Variants in CENPT observed in about 807,000 individuals in gnomAD.
The protein encoded by CENPT is centromere protein T.
In CENPT, 42 loss-of-function variants were observed where a neutral mutation model predicts 59.7. The ratio of observed to expected loss-of-function variants is 0.70; its 90% CI spans 0.55 to 0.91. CENPT has a LOEUF of 0.91. Among genes scored for constraint, CENPT ranks in the 40% least tolerant of loss-of-function variants. The probability of loss-of-function intolerance (pLI) is 0.00; values close to 1 mark genes in which losing one functional copy is unlikely to be tolerated. For synonymous variants in CENPT, 295 were observed against 289.6 expected (o/e 1.02, Z -0.19); for missense variants, 716 against 713.4 (o/e 1.00, Z -0.04).
rs752230675 is a variant in CENPT, at chr16:67,842,908, G to GCAA, written c.-492+4492_-492+4493insTTG. ...AGCAGCAGCAACAGCAGCAACAGCA[G>GCAA]CAGCAGCAGCAACAGCAGCAGCAGC... is the stretch of plus-strand genomic sequence containing the variant. On this transcript the variant is annotated intron_variant, in intron 1 of 15. Coordinates refer to ENST00000562787, the MANE Select transcript of CENPT (RefSeq NM_025082.4). This position sits in a 1 kb window ranked among gnomAD's most constrained non-coding sequence, Gnocchi z 4.9. The GCAA allele has an allele frequency of 5.7e-5, 90 of 1,572,508 alleles. No homozygotes were observed. Among genetic ancestry groups the GCAA allele is most frequent in the South Asian group, 4.6e-4 (40 of 87,660 alleles).
intron 13 of CENPT, chr16:67,829,174 G>A (rs1034317559): frequency 7.8e-6 from 4 of 510,490 alleles, no homozygotes; most frequent in African/African-American, 6.0e-5. Context: ...TCTGCTAATC[G>A]TCTTCCAGGA....
intron 3 of CENPT, among the ~76,000 whole-genome samples, chr16:67,834,592 CAG>C (rs1567371189): frequency 6.6e-6 from 1 of 152,176 alleles, no homozygotes; most frequent in Non-Finnish European, 1.5e-5. Context: ...GCCTGGGCAA[CAG>C]AGAGAGACCC....
chr16:67,833,288 G>C (rs2057710833), intron 4 of CENPT, among the ~76,000 whole-genome samples: 1 of 152,260 alleles, frequency 6.6e-6, no homozygotes, highest in Non-Finnish European at 1.5e-5. Context: ...AGGACAGTAA[G>C]ACAATGAGCA....
At chr16:67,831,644 AG>A in intron 8 of CENPT, 32 bp from the exon 9 acceptor site, 2 of 1,613,780 alleles carry the variant, frequency 1.2e-6, no homozygotes, top group Non-Finnish European at 1.7e-6. Context: ...ATGTAAAAGA[AG>A]AAAACCATGG....
At chr16:67,833,472 C>T (rs1250226473) in intron 4 of CENPT, among the ~76,000 whole-genome samples, 1 of 152,232 alleles carries the variant, frequency 6.6e-6, no homozygotes, top group African/African-American at 2.4e-5. Flanking sequence ...GCTCTGTGGT[C>T]CCGAGGGCTG....
intron 3 of CENPT, 24 bp from the exon 4 acceptor site, chr16:67,834,124 C>A (rs534752833): frequency 1.4e-4 from 56 of 399,918 alleles, no homozygotes; most frequent in Non-Finnish European, 2.5e-4. Flanking sequence ...TTGATACCCA[C>A]CTGATAAGGA....
chr16:67,844,601 G>A (rs936089557), intron 1 of CENPT, among the ~76,000 whole-genome samples: 1 of 152,228 alleles, frequency 6.6e-6, no homozygotes, highest in Non-Finnish European at 1.5e-5. Flanking sequence ...TGTGCATGCA[G>A]TTACTCTGTG....
chr16:67,840,186 C>T (rs918427778), intron 1 of CENPT, among the ~76,000 whole-genome samples: 1 of 152,064 alleles, frequency 6.6e-6, no homozygotes, highest in Non-Finnish European at 1.5e-5. Flanking sequence ...GGCACGGTGG[C>T]GGGCGCTTGT....
At position 67,828,465 on chromosome 16, in the gene CENPT, C is replaced by T. The variant is rs1168211280; in HGVS notation, c.1562+9G>A. ...CCAGCCAGCACCCCCACACCTTCCGCCTTCTCACCGCCGCATCAGCAGCTC... is the reference window on the plus strand; with the variant it reads ...CCAGCCAGCACCCCCACACCTTCCGTCTTCTCACCGCCGCATCAGCAGCTC... On this transcript the variant is annotated intron_variant, in intron 15 of 15. Transcript: ENST00000562787. 1 of 1,614,114 alleles carries T rather than the reference C, an allele frequency of 6.2e-7. No homozygotes were observed. The highest frequency in any genetic ancestry group is 2.2e-5 in the East Asian group (1 of 44,902).
chr16:67,843,788 G>C lies in CENPT; in HGVS notation c.-492+3613C>G, dbSNP rs1598151454. Reference sequence around the variant, plus strand: ...CAGAGGCTTCAGAACCACTGAACTTGAAACTTACCCTCTAGGGATGCAGGT... The same window carrying C: ...CAGAGGCTTCAGAACCACTGAACTTCAAACTTACCCTCTAGGGATGCAGGT... On this transcript the variant is annotated intron_variant, in intron 1 of 15. Coordinates refer to ENST00000562787, the MANE Select transcript of CENPT (RefSeq NM_025082.4). This position sits in a 1 kb window ranked among gnomAD's most constrained non-coding sequence, Gnocchi z 5.7. The C allele has an allele frequency of 7.5e-6, 3 of 398,422 alleles. No individual in the cohort carries two copies. The East Asian group carries it at 1.4e-4, about 18-fold the overall frequency. The allele number at this position is 398,422 out of a possible 1,614,324, so 24.7% of individuals were successfully genotyped here.
chr16:67,840,181 G>A (rs973869185), intron 1 of CENPT, among the ~76,000 whole-genome samples: 14 of 152,106 alleles, frequency 9.2e-5, no homozygotes, highest in Admixed American at 2.6e-4. Context: ...AGCCGGGCAC[G>A]GTGGCGGGCG....
In CENPT at chr16:67,830,084, A is replaced by G. The variant is rs1308247027; in HGVS notation, c.867T>C (p.Pro289=). ...CTGCCAGAAACTGGGCTGGTTTCCC[A>G]GGGCCTGAGTGAAGGGGAGAGAATA... ...SSGPGLQKNS[P]GKPAQFLAGE... is the part of the protein sequence containing the mutation. The change falls in exon 12 of 16, where the codon CCT becomes CCC. Residue 289 remains proline (P), a synonymous_variant. Transcript: ENST00000562787. The G allele has an allele frequency of 3.7e-6, 6 of 1,613,914 alleles. No homozygotes were observed. Among genetic ancestry groups the G allele is most frequent in the African/African-American group, 2.7e-5 (2 of 74,934 alleles).
chr16:67,847,602 C>T lies in CENPT; in HGVS notation c.-693G>A, dbSNP rs2057815650. The T allele has an allele frequency of 6.6e-6, 1 of 152,442 alleles. No homozygotes were observed. The highest frequency in any genetic ancestry group is 2.4e-5 in the African/African-American group (1 of 41,466). 9.4% of individuals were successfully genotyped at this position (152,442 alleles called of 1,614,324 possible). A position where few individuals can be genotyped will look rare whatever the true frequency, so the allele number is the denominator to read the frequency against. On this transcript the variant is annotated 5_prime_UTR_variant, in exon 1 of 16. Transcript: ENST00000562787. ...TACCGCGCCCTTTGTGGAGCCCGGACTGGAGTTCTCGCAGGGAGGGCAGGG... is the reference window on the plus strand; with the variant it reads ...TACCGCGCCCTTTGTGGAGCCCGGATTGGAGTTCTCGCAGGGAGGGCAGGG...
In CENPT at chr16:67,842,902, ACAGCAGCAGCAGCAGCAACAG is replaced by A. The variant is rs766753650; in HGVS notation, c.-492+4478_-492+4498del. On this transcript the variant is annotated intron_variant, in intron 1 of 15. Coordinates refer to ENST00000562787, the MANE Select transcript of CENPT (RefSeq NM_025082.4). The surrounding 1 kb of genome is among the most constrained non-coding windows in gnomAD (Gnocchi z 4.9). The stretch of plus-strand genomic sequence containing the variant: ...AGCAGCAGCAGCAGCAACAGCAGCA[ACAGCAGCAGCAGCAGCAACAG>A]CAGCAGCAGCAGCAGCAGCAGCAGC... The A allele has an allele frequency of 1.3e-3, 2,121 of 1,583,058 alleles. 7 individuals are homozygous for A. The African/African-American group carries it at 0.019, about 14-fold the overall frequency.
chr16:67,847,260 C>T (rs1297303066), intron 1 of CENPT, 141 bp downstream of exon 1: 1 of 152,320 alleles, frequency 6.6e-6, no homozygotes, highest in East Asian at 1.9e-4. Flanking sequence ...TGCGCCATGG[C>T]CAGGCCTTTT....
At chr16:67,830,355 A>C in intron 11 of CENPT, 35 bp downstream of exon 11, 1 of 1,582,830 alleles carries the variant, frequency 6.3e-7, no homozygotes, top group Non-Finnish European at 8.6e-7. Flanking sequence ...ACCCAAGCTA[A>C]ATTTGGCTCC....
intron 1 of CENPT, among the ~76,000 whole-genome samples, chr16:67,837,955 C>G (rs1278225410): frequency 6.6e-6 from 1 of 152,078 alleles, no homozygotes; most frequent in Non-Finnish European, 1.5e-5. Context: ...TATGACATAT[C>G]AGATTTTCTC....
At chr16:67,830,192 G>A in intron 11 of CENPT, 104 bp from the exon 12 acceptor site, 3 of 1,303,152 alleles carry the variant, frequency 2.3e-6, no homozygotes, top group Non-Finnish European at 3.3e-6. Context: ...TGCCCACTGA[G>A]GAAAGACAAA....
At chr16:67,836,851 C>T (rs573219146) in intron 1 of CENPT, among the ~76,000 whole-genome samples, 1 of 152,204 alleles carries the variant, frequency 6.6e-6, no homozygotes, top group Admixed American at 6.5e-5. Context: ...ACGCCATTCT[C>T]CTGCCTCAGC....
Sources: allele counts gnomAD v4.1 joint callset (sites outside exome capture counted in the v4.1 genomes callset), GRCh38; gene constraint gnomAD v4.1.1; non-coding constraint Gnocchi (gnomAD v3.1); transcripts MANE v1.5; gene names NCBI Gene and HGNC (gene_info 2026-07-23, HGNC 2026-07-21).